The following RGS21 variants were observed in gnomAD, a reference collection of about 807,000 sequenced individuals.
RGS21 encodes regulator of G protein signaling 21, also known as regulator of G-protein signalling 21.
Under a neutral mutation model 18.7 loss-of-function variants are expected in RGS21, and 19 were observed. That is an observed-to-expected ratio of 1.01 (90% confidence interval 0.71 to 1.49). RGS21 has a LOEUF of 1.49. RGS21 is among the 40% of genes most tolerant of loss of function. The probability of loss-of-function intolerance (pLI) is 0.00; values close to 1 mark genes in which losing one functional copy is unlikely to be tolerated. For synonymous variants in RGS21, 56 were observed against 57.8 expected, an observed-to-expected ratio of 0.97 and a Z score of 0.14; for missense variants, 194 against 176.8, an observed-to-expected ratio of 1.10 and a Z score of -0.55.
intron 1 of RGS21, among the ~76,000 whole-genome samples, chr1:192,341,306 A>C (rs1658858494): frequency 6.6e-6 from 1 of 152,072 alleles, no homozygotes; most frequent in Non-Finnish European, 1.5e-5. Context: ...TACATGTTCC[A>C]GGCATTAGGA....
chr1:192,338,892 A>G (rs967268610), intron 1 of RGS21, among the ~76,000 whole-genome samples: 1 of 152,120 alleles, frequency 6.6e-6, no homozygotes, highest in African/African-American at 2.4e-5. Context: ...TAAATCTAAC[A>G]GATTTAACTA....
intron 3 of RGS21, among the ~76,000 whole-genome samples, chr1:192,349,047 GAATTGC>G (rs1222367026): frequency 6.6e-6 from 1 of 152,096 alleles, no homozygotes; most frequent in Non-Finnish European, 1.5e-5. Flanking sequence ...TGTGAATATG[GAATTGC>G]TGTTTATTAA....
rs1659252748 is a variant in RGS21 at position 192,365,940 on chromosome 1, C to T, written c.275C>T (p.Thr92Ile). ...APKEINIDFG[T>I]RDLISKNIAE... ...CCACAGATTAACATTGACTTCGGTA[C>T]CAGAGACCTCATCTCAAAGAATATT... Residue 92 changes from threonine to isoleucine, a missense_variant, in exon 5 of 5, where the codon ACC becomes ATC. Physicochemically the swap from Thr to Ile is moderately conservative, Grantham distance 89 (BLOSUM62 -1). Transcript: ENST00000417209. 6.2e-7 allele frequency: 1 copy of T among 1,604,290 alleles called. No homozygotes were observed. The highest frequency in any genetic ancestry group is 2.2e-5 in the East Asian group (1 of 44,698).
At chr1:192,351,311 G>T (rs779823122) in intron 3 of RGS21, among the ~76,000 whole-genome samples, 16 of 152,044 alleles carry the variant, frequency 1.1e-4, no homozygotes, top group African/African-American at 2.2e-4. Flanking sequence ...TTACTTTCTT[G>T]GTTTTGAGAT....
intron 2 of RGS21, among the ~76,000 whole-genome samples, chr1:192,344,222 A>G (rs766235007): frequency 2.6e-5 from 4 of 152,070 alleles, no homozygotes. Context: ...AATATGATAA[A>G]TCTCTATTGC....
intron 4 of RGS21, among the ~76,000 whole-genome samples, chr1:192,358,111 G>A (rs79872146): frequency 1.8e-4 from 27 of 151,914 alleles, no homozygotes; most frequent in Admixed American, 3.3e-4. Context: ...ATCCGTACAC[G>A]TTATGATTTC....
Position 192,328,291 on chromosome 1 carries a change from T to C in RGS21, c.-61+11186T>C, listed in dbSNP as rs139658216. Among the ~76,000 whole-genome samples, 276 of 152,264 alleles carry C rather than the reference T, an allele frequency of 1.8e-3. 1 individual carries two copies. The highest frequency in any genetic ancestry group is 5.4e-3 in the African/African-American group (224 of 41,552). ...AATTTCATATGTAAAATATATCACCTCAATTTACAGGATAGGAGGTATAAG... is the reference window on the plus strand; with the variant it reads ...AATTTCATATGTAAAATATATCACCCCAATTTACAGGATAGGAGGTATAAG... On this transcript the variant is annotated intron_variant, in intron 1 of 4. Transcript: ENST00000417209.
intron 4 of RGS21, among the ~76,000 whole-genome samples, chr1:192,361,331 T>G (rs967873582): frequency 6.6e-6 from 1 of 152,114 alleles, no homozygotes; most frequent in Non-Finnish European, 1.5e-5. Context: ...TTGGAGAATA[T>G]ATATATGCTC....
intron 2 of RGS21, among the ~76,000 whole-genome samples, chr1:192,344,231 G>A (rs1460084885): frequency 1.3e-5 from 2 of 151,842 alleles, no homozygotes; most frequent in East Asian, 3.9e-4. Flanking sequence ...AATCTCTATT[G>A]CAGGAAAAAA....
chr1:192,320,585 A>C (rs1299856438), intron 1 of RGS21, among the ~76,000 whole-genome samples: 1 of 130,942 alleles, frequency 7.6e-6, no homozygotes, highest in Admixed American at 7.8e-5. Context: ...GATGTGTTGT[A>C]ATAACCTCTC....
At chr1:192,336,846 A>T (rs1658774928) in intron 1 of RGS21, among the ~76,000 whole-genome samples, 2 of 152,166 alleles carry the variant, frequency 1.3e-5, no homozygotes, top group Non-Finnish European at 2.9e-5. Context: ...AAAATAAATA[A>T]AAATAATCTT....
At chr1:192,358,176 T>C (rs138108504) in intron 4 of RGS21, among the ~76,000 whole-genome samples, 319 of 152,148 alleles carry the variant, frequency 2.1e-3, no homozygotes, top group African/African-American at 7.3e-3. Context: ...TGGTTTCTAT[T>C]CAGTTCTATC....
Position 192,342,971 on chromosome 1 carries a change from C to T in RGS21, c.-60-6C>T. 3 of 1,540,986 alleles carry T rather than the reference C, an allele frequency of 1.9e-6. No individual in the cohort carries two copies. The highest frequency in any genetic ancestry group is 2.7e-6 in the Non-Finnish European group (3 of 1,113,686). On this transcript the variant is annotated splice_polypyrimidine_tract_variant and splice_region_variant and intron_variant, in intron 1 of 4. Coordinates refer to ENST00000417209, the MANE Select transcript of RGS21 (RefSeq NM_001039152.3). Reference sequence around the variant, plus strand: ...TGTAATGTTCCTGCTGTCACATTACCTTCAGCTTGAAGATCAGTCAGAAAG... The same window carrying T: ...TGTAATGTTCCTGCTGTCACATTACTTTCAGCTTGAAGATCAGTCAGAAAG...
At chr1:192,362,048 T>C (rs939470794) in intron 4 of RGS21, among the ~76,000 whole-genome samples, 1 of 152,124 alleles carries the variant, frequency 6.6e-6, no homozygotes, top group Non-Finnish European at 1.5e-5. Context: ...AAGTTTTAGG[T>C]AAAATATTCA....
intron 2 of RGS21, among the ~76,000 whole-genome samples, chr1:192,346,304 A>G (rs1262920492): frequency 6.6e-6 from 1 of 152,120 alleles, no homozygotes; most frequent in Non-Finnish European, 1.5e-5. Flanking sequence ...ATACAAAAGC[A>G]TAGGAATCAC....
intron 4 of RGS21, among the ~76,000 whole-genome samples, chr1:192,360,569 G>A (rs1388680302): frequency 6.6e-6 from 1 of 151,964 alleles, no homozygotes; most frequent in African/African-American, 2.4e-5. Context: ...TTCACCCACA[G>A]CCAGCTATTA....
chr1:192,338,920 C>A (rs537213931), intron 1 of RGS21, among the ~76,000 whole-genome samples: 2 of 152,040 alleles, frequency 1.3e-5, no homozygotes, highest in African/African-American at 4.8e-5. Flanking sequence ...CACCTAAATA[C>A]CAAGTTGCCC....
intron 4 of RGS21, among the ~76,000 whole-genome samples, chr1:192,353,659 G>A (rs1659074797): frequency 6.6e-6 from 1 of 151,424 alleles, no homozygotes; most frequent in African/African-American, 2.4e-5. Context: ...TGAATTTAAG[G>A]TTATAATACA....
intron 4 of RGS21, among the ~76,000 whole-genome samples, chr1:192,365,535 T>C (rs1288728817): frequency 6.6e-6 from 1 of 152,128 alleles, no homozygotes; most frequent in East Asian, 1.9e-4. Context: ...GTTGGTATAT[T>C]CAAACCTAAT....
Sources: allele counts gnomAD v4.1 joint callset (sites outside exome capture counted in the v4.1 genomes callset), GRCh38; gene constraint gnomAD v4.1.1; transcripts MANE v1.5; gene names NCBI Gene and HGNC (gene_info 2026-07-23, HGNC 2026-07-21).